The following HIVEP2 variants were observed in gnomAD, a reference collection of about 807,000 sequenced individuals.
The protein encoded by HIVEP2 is transcription factor HIVEP2.
In HIVEP2, 14 loss-of-function variants were observed where a neutral mutation model predicts 180.7. That is an observed-to-expected ratio of 0.08 (90% CI 0.05 to 0.12). The LOEUF is 0.12. HIVEP2 is among the 10% of genes least tolerant of loss of function. HIVEP2 has a pLI of 1.00. For synonymous variants in HIVEP2, 1,184 were observed against 1,136.4 expected, an observed-to-expected ratio of 1.04 and a Z score of -0.84; for missense variants, 2,579 against 3,008.5, an observed-to-expected ratio of 0.86 and a Z score of 3.34.
chr6:142,890,996 T>C lies in HIVEP2; in HGVS notation c.-640-53949A>G, dbSNP rs77324373. Among the ~76,000 whole-genome samples, 1,375 of 152,344 alleles carry C rather than the reference T, an allele frequency of 9.0e-3. 84 individuals carry two copies. In the East Asian group the frequency reaches 0.17, roughly 19 times the overall value. ...GTCATAGAATGCTGAAATATGCTTT[T>C]GTATATATGGCCTGTTCTCCTTAAT... On this transcript the variant is annotated intron_variant, in intron 1 of 9. Coordinates refer to ENST00000367603, the MANE Select transcript of HIVEP2 (RefSeq NM_006734.4).
chr6:142,764,531 T>C (rs1775332642), intron 7 of HIVEP2, among the ~76,000 whole-genome samples: 1 of 152,222 alleles, frequency 6.6e-6, no homozygotes, highest in Non-Finnish European at 1.5e-5. Flanking sequence ...CATGAAGTAA[T>C]AGCTATCCAG....
chr6:142,803,540 T>C (rs1475733214), intron 2 of HIVEP2, among the ~76,000 whole-genome samples: 3 of 120,920 alleles, frequency 2.5e-5, no homozygotes, highest in Non-Finnish European at 5.4e-5. Flanking sequence ...AGGCAAAAAA[T>C]ACCCCAACTA....
chr6:142,818,733 A>AGAG (rs1554213992), intron 2 of HIVEP2, among the ~76,000 whole-genome samples: 1 of 41,764 alleles, frequency 2.4e-5, no homozygotes, highest in Admixed American at 3.5e-4. Flanking sequence ...AGAAAGAAAG[A>AGAG]AAAGAAAGAA....
chr6:142,887,568 T>C (rs1171264837), intron 1 of HIVEP2, among the ~76,000 whole-genome samples: 1 of 152,212 alleles, frequency 6.6e-6, no homozygotes, highest in Non-Finnish European at 1.5e-5. Flanking sequence ...AACTATCAAT[T>C]CAGAGATCAC....
chr6:142,882,291 C>T (rs1165707164), intron 1 of HIVEP2, among the ~76,000 whole-genome samples: 1 of 152,070 alleles, frequency 6.6e-6, no homozygotes, highest in Non-Finnish European at 1.5e-5. Flanking sequence ...TCCTTCAATA[C>T]CGATAACTCA....
chr6:142,791,289 C>T (rs1776131264), intron 2 of HIVEP2, among the ~76,000 whole-genome samples: 3 of 152,104 alleles, frequency 2.0e-5, no homozygotes, highest in Non-Finnish European at 2.9e-5. Context: ...AGATTAGGAA[C>T]CATATGATCA....
At chr6:142,894,498 C>T (rs1359828933) in intron 1 of HIVEP2, among the ~76,000 whole-genome samples, 2 of 152,138 alleles carry the variant, frequency 1.3e-5, no homozygotes, top group Non-Finnish European at 2.9e-5. Flanking sequence ...ATAAATTAAA[C>T]TGAATAAAGC....
intron 1 of HIVEP2, among the ~76,000 whole-genome samples, chr6:142,886,997 C>T (rs1357346570): frequency 6.6e-6 from 1 of 152,128 alleles, no homozygotes; most frequent in South Asian, 2.1e-4. Flanking sequence ...TATGTGTCAA[C>T]AGTATGTGGC....
intron 2 of HIVEP2, among the ~76,000 whole-genome samples, chr6:142,814,756 A>G (rs1776788903): frequency 6.6e-6 from 1 of 152,184 alleles, no homozygotes; most frequent in African/African-American, 2.4e-5. Flanking sequence ...GATATCTAGT[A>G]TATAGTGTAT....
rs200621337 is a variant in HIVEP2 at position 142,771,291 on chromosome 6, G to A, written c.3448C>T (p.Pro1150Ser). ...ATCTGTGGCTGGGCCAGGTGCAGTG[G>A]CCCCGAGCTCAGCGGGGGACAAGGA... ...AGPCPPLSSG[P>S]LHLAQPQIMH... The change falls in exon 5 of 10, where the codon CCA (proline) becomes TCA (serine). Residue 1150 changes from proline to serine, a missense_variant. Around this residue, in one of 11 missense-constraint regions of HIVEP2, gnomAD observed 523 missense variants for 577.0 expected, o/e 0.91. Coordinates refer to ENST00000367603, the MANE Select transcript of HIVEP2 (RefSeq NM_006734.4). This position sits in a 1 kb window ranked among gnomAD's most constrained non-coding sequence, Gnocchi z 5.4. The A allele has an allele frequency of 1.0e-4, 166 of 1,613,474 alleles. No homozygotes were observed. Among genetic ancestry groups the A allele is most frequent in the Non-Finnish European group, 1.8e-5 (21 of 1,180,028 alleles).
chr6:142,770,873 T>C lies in HIVEP2; in HGVS notation c.3866A>G (p.His1289Arg). ...YPCYSGASGL[H>R]PKNLLPKFPS... ...AAACTTTGGAAGAAGGTTCTTTGGGTGTAGCCCTGATGCTCCTGAATAACA... is the reference window on the plus strand; with the variant it reads ...AAACTTTGGAAGAAGGTTCTTTGGGCGTAGCCCTGATGCTCCTGAATAACA... Residue 1289 changes from histidine (H) to arginine (R), a missense_variant, in exon 5 of 10, where the codon CAC becomes CGC. By Grantham distance (29) the His-to-Arg change is conservative. Transcript: ENST00000367603. The surrounding 1 kb of genome is among the most constrained non-coding windows in gnomAD (Gnocchi z 4.7). The C allele has an allele frequency of 6.2e-7, 1 of 1,614,218 alleles. No homozygotes were observed. Among genetic ancestry groups the C allele is most frequent in the African/African-American group, 1.3e-5 (1 of 75,060 alleles).
chr6:142,784,988 C>T lies in HIVEP2; in HGVS notation c.-527-1373G>A, dbSNP rs183129000. On this transcript the variant is annotated intron_variant, in intron 2 of 9. Coordinates refer to ENST00000367603, the MANE Select transcript of HIVEP2 (RefSeq NM_006734.4). Reference sequence around the variant, plus strand: ...CTGCAAGCTCTGCCTCCCGGGTTCACGCCATTCTCCTGCCTCAGCCTCCCA... The same window carrying T: ...CTGCAAGCTCTGCCTCCCGGGTTCATGCCATTCTCCTGCCTCAGCCTCCCA... Among the ~76,000 whole-genome samples, 9 of 152,048 alleles carry T rather than the reference C, an allele frequency of 5.9e-5. No homozygotes were observed. In the East Asian group the frequency reaches 1.4e-3, roughly 23 times the overall value.
At chr6:142,900,335 T>C (rs923679650) in intron 1 of HIVEP2, among the ~76,000 whole-genome samples, 1 of 151,986 alleles carries the variant, frequency 6.6e-6, no homozygotes, top group Non-Finnish European at 1.5e-5. Context: ...CGTCTGAGAG[T>C]TGAGTGAGGG....
Position 142,772,938 on chromosome 6 carries a change from C to T in HIVEP2, c.1801G>A (p.Val601Ile). The T allele has an allele frequency of 2.5e-6, 4 of 1,614,170 alleles. No homozygotes were observed. The highest frequency in any genetic ancestry group is 3.4e-6 in the Non-Finnish European group (4 of 1,180,028). The change falls in exon 5 of 10, where the codon GTA becomes ATA. Residue 601 changes from valine (V) to isoleucine (I), a missense_variant. This residue lies in a region of HIVEP2 where 524 missense variants were observed against 563.6 expected (regional missense o/e 0.93). Transcript: ENST00000367603. The surrounding 1 kb of genome is among the most constrained non-coding windows in gnomAD (Gnocchi z 4.9). ...RRQAAFELPS[V>I]QEGHVEVEHH... is the part of the protein sequence containing the mutation. ...TCGACTTCCACGTGGCCCTCCTGTA[C>T]CGAAGGCAGCTCAAATGCCGCTTGT...
rs758661650 is a variant in HIVEP2, at chr6:142,753,919, CTCT to C, written c.6526_6528del (p.Arg2176del). On this transcript the variant is annotated inframe_deletion, in exon 10 of 10. Coordinates refer to ENST00000367603, the MANE Select transcript of HIVEP2 (RefSeq NM_006734.4). ...CTGAAGTAAGGAACCTGAGGTAATCCTCTTCTTAAATTCTGCGCAGAGAAACAA... is the reference window on the plus strand; with the variant it reads ...CTGAAGTAAGGAACCTGAGGTAATCCTCTTAAATTCTGCGCAGAGAAACAA... 7 of 1,582,286 alleles carry C rather than the reference CTCT, an allele frequency of 4.4e-6. No homozygotes were observed. The highest frequency in any genetic ancestry group is 6.0e-6 in the Non-Finnish European group (7 of 1,159,038).
intron 1 of HIVEP2, among the ~76,000 whole-genome samples, chr6:142,849,522 T>A (rs1327470128): frequency 5.7e-4 from 86 of 150,748 alleles, no homozygotes; most frequent in African/African-American, 1.2e-3. Flanking sequence ...TATTTATTTT[T>A]TTTTTTTTTT....
chr6:142,779,003 C>T (rs1284132716), intron 3 of HIVEP2, among the ~76,000 whole-genome samples: 1 of 152,116 alleles, frequency 6.6e-6, no homozygotes, highest in Non-Finnish European at 1.5e-5. Context: ...AAATAATGTT[C>T]AAAATATGTA....
At position 142,773,790 on chromosome 6, in the gene HIVEP2, C is replaced by T; in HGVS notation, c.949G>A (p.Glu317Lys). ...ACCTTCATTGGACCTCCCAATGATTCTTCCAATGACCCATGATAGCCGCCT... is the reference window on the plus strand; with the variant it reads ...ACCTTCATTGGACCTCCCAATGATTTTTCCAATGACCCATGATAGCCGCCT... Reference protein sequence around the residue: ...SRGGYHGSLEESLGGPMKVPI... With the variant: ...SRGGYHGSLEKSLGGPMKVPI... Residue 317 changes from glutamate to lysine, a missense_variant, in exon 5 of 10, where the codon GAA (glutamate) becomes AAA (lysine). Around this residue, in one of 11 missense-constraint regions of HIVEP2, gnomAD observed 142 missense variants for 135.2 expected, o/e 1.05. Coordinates refer to ENST00000367603, the MANE Select transcript of HIVEP2 (RefSeq NM_006734.4). The T allele has an allele frequency of 6.2e-7, 1 of 1,613,968 alleles. No individual in the cohort carries two copies. Among genetic ancestry groups the T allele is most frequent in the Non-Finnish European group, 8.5e-7 (1 of 1,180,028 alleles).
At chr6:142,805,843 A>C (rs494038) in intron 2 of HIVEP2, among the ~76,000 whole-genome samples, 88,536 of 151,912 alleles carry the variant, frequency 0.58, 27,111 homozygotes, top group Non-Finnish European at 0.68. Flanking sequence ...ACCTTTCATT[A>C]ATTTAACAAA....
Sources: allele counts gnomAD v4.1 joint callset (sites outside exome capture counted in the v4.1 genomes callset), GRCh38; gene constraint gnomAD v4.1.1; regional missense constraint gnomAD v4.1.1; non-coding constraint Gnocchi (gnomAD v3.1); transcripts MANE v1.5; gene names NCBI Gene and HGNC (gene_info 2026-07-23, HGNC 2026-07-21).